The following HPGDS variants were observed in gnomAD, a reference collection of about 807,000 sequenced individuals.
The protein encoded by HPGDS is hematopoietic prostaglandin D synthase, also known as GST class-sigma.
Under a neutral mutation model 23.1 loss-of-function variants are expected in HPGDS, and 26 were observed. The observed-to-expected ratio is 1.13, with a 90% CI of 0.83 to 1.56. The LOEUF (loss-of-function observed/expected upper bound fraction) is 1.56. HPGDS is among the 40% of genes most tolerant of loss of function. HPGDS has a pLI of 0.00. For missense variants in HPGDS, 268 were observed against 236.4 expected (o/e 1.13, Z -0.88); for synonymous variants, 95 against 77.9 (o/e 1.22, Z -1.16).
At chr4:94,323,084 T>C (rs1239927393) in intron 2 of HPGDS, among the ~76,000 whole-genome samples, 1 of 152,262 alleles carries the variant, frequency 6.6e-6, no homozygotes, top group Non-Finnish European at 1.5e-5. Context: ...TGAGTGAGTT[T>C]CTTAATCCTG....
chr4:94,334,566 A>G lies in HPGDS; in HGVS notation c.64T>C (p.Phe22Leu). The change falls in exon 2 of 6, where the codon TTT (phenylalanine) becomes CTT (leucine). Residue 22 changes from phenylalanine (F) to leucine (L), a missense_variant. Phe to Leu is a conservative substitution (Grantham distance 22, BLOSUM62 0). Coordinates refer to ENST00000295256, the MANE Select transcript of HPGDS (RefSeq NM_014485.3). ...TCATACTGTATGTCCAAATAAGCAA[A>G]TATGTAACGAATAATTTCTGCTCTC... ...RGRAEIIRYI[F>L]AYLDIQYEDH... 6.2e-7 allele frequency: 1 copy of G among 1,613,362 alleles called. No homozygotes were observed. Among genetic ancestry groups the G allele is most frequent in the Non-Finnish European group, 8.5e-7 (1 of 1,179,500 alleles).
At chr4:94,331,281 CA>C (rs1475387873) in intron 2 of HPGDS, among the ~76,000 whole-genome samples, 1 of 152,162 alleles carries the variant, frequency 6.6e-6, no homozygotes, top group Non-Finnish European at 1.5e-5. Flanking sequence ...GTTCTTGTTT[CA>C]TGGATAGAAT....
At chr4:94,337,263 G>A (rs187228616) in intron 1 of HPGDS, among the ~76,000 whole-genome samples, 2 of 152,170 alleles carry the variant, frequency 1.3e-5, no homozygotes, top group Admixed American at 6.5e-5. Flanking sequence ...GAGCCACTGT[G>A]CCCAGCCTGC....
intron 1 of HPGDS, 123 bp from the exon 2 acceptor site, chr4:94,334,761 A>C (rs925163828): frequency 2.6e-6 from 2 of 761,910 alleles, no homozygotes; most frequent in Non-Finnish European, 4.0e-6. Context: ...ATTAGAGGAT[A>C]TTTCAAAACC....
At chr4:94,340,852 T>TC (rs1239947789) in intron 1 of HPGDS, among the ~76,000 whole-genome samples, 1 of 134,712 alleles carries the variant, frequency 7.4e-6, no homozygotes, top group Non-Finnish European at 1.6e-5. Flanking sequence ...TTTCTTTCTT[T>TC]TTTTTTTTTT....
At chr4:94,316,798 T>C (rs952351335) in intron 3 of HPGDS, among the ~76,000 whole-genome samples, 1 of 152,242 alleles carries the variant, frequency 6.6e-6, no homozygotes, top group African/African-American at 2.4e-5. Flanking sequence ...GTCTACTGAC[T>C]CAAAGTTGCA....
At chr4:94,326,293 A>G (rs951872457) in intron 2 of HPGDS, among the ~76,000 whole-genome samples, 1 of 152,156 alleles carries the variant, frequency 6.6e-6, no homozygotes, top group Admixed American at 6.5e-5. Context: ...TTGGTTTTCT[A>G]TGCCTTTGTC....
chr4:94,324,134 T>A (rs1420153917), intron 2 of HPGDS, among the ~76,000 whole-genome samples: 1 of 152,246 alleles, frequency 6.6e-6, no homozygotes, highest in East Asian at 1.9e-4. Context: ...GATCAGCTGT[T>A]AGTCTGATGG....
chr4:94,324,326 G>A (rs139823894), intron 2 of HPGDS, among the ~76,000 whole-genome samples: 1,737 of 152,112 alleles, frequency 0.011, 35 homozygotes, highest in African/African-American at 0.04. Flanking sequence ...GGTTGGGGAA[G>A]TTCTCCTGGA....
In HPGDS at chr4:94,340,838, T is replaced by C. The variant is rs1489581356; in HGVS notation, c.-10+1957A>G. 6.0e-5 allele frequency among the ~76,000 whole-genome samples: 8 copies of C among 133,118 alleles called. 1 individual carries two copies. The highest frequency in any genetic ancestry group is 1.3e-4 in the Non-Finnish European group (8 of 61,280). 87.3% of individuals were successfully genotyped at this position (133,118 alleles called of 152,430 possible). ...CACGCCCGGCAAATTTTTTTCTTTTTTTTTTTCTTTCTTTTTTTTTTTTTG... is the reference window on the plus strand; with the variant it reads ...CACGCCCGGCAAATTTTTTTCTTTTCTTTTTTCTTTCTTTTTTTTTTTTTG... On this transcript the variant is annotated intron_variant, in intron 1 of 5. Coordinates refer to ENST00000295256, the MANE Select transcript of HPGDS (RefSeq NM_014485.3).
intron 2 of HPGDS, among the ~76,000 whole-genome samples, chr4:94,324,085 G>A (rs192041697): frequency 1.3e-5 from 2 of 152,248 alleles, no homozygotes; most frequent in Admixed American, 6.5e-5. Flanking sequence ...TTGAATATTG[G>A]CCCCCACTCT....
intron 2 of HPGDS, among the ~76,000 whole-genome samples, chr4:94,331,896 A>G (rs1037419262): frequency 1.3e-5 from 2 of 152,172 alleles, no homozygotes; most frequent in Admixed American, 1.3e-4. Flanking sequence ...CCCCAGTGAA[A>G]CCCCACCTTC....
intron 4 of HPGDS, among the ~76,000 whole-genome samples, chr4:94,306,473 C>A (rs571279051): frequency 1.3e-4 from 20 of 151,974 alleles, no homozygotes; most frequent in Non-Finnish European, 4.4e-5. Context: ...GTGAATGGCA[C>A]CTGTGAAGGG....
Position 94,317,884 on chromosome 4 carries a change from G to T in HPGDS, c.215C>A (p.Thr72Asn). ...AATAAACATGTTACCTGTGTTTTTG[G>T]TCAAATATCTTGCTATTGCTAGGCT... Reference protein sequence around the residue: ...HQSLAIARYLTKNTDLAGNTE... With the variant: ...HQSLAIARYLNKNTDLAGNTE... The change falls in exon 3 of 6, where the codon ACC becomes AAC. Residue 72 changes from threonine (T) to asparagine (N), a missense_variant. By Grantham distance (65) the Thr-to-Asn change is moderately conservative. Coordinates refer to ENST00000295256, the MANE Select transcript of HPGDS (RefSeq NM_014485.3). 6.2e-7 allele frequency: 1 copy of T among 1,603,384 alleles called. No individual in the cohort carries two copies. The highest frequency in any genetic ancestry group is 8.5e-7 in the Non-Finnish European group (1 of 1,171,922).
At position 94,334,647 on chromosome 4, in the gene HPGDS, A is replaced by C. The variant is rs1197588492; in HGVS notation, c.-9-9T>G. 2 of 1,604,750 alleles carry C rather than the reference A, an allele frequency of 1.2e-6. No individual in the cohort carries two copies. Among genetic ancestry groups the C allele is most frequent in the Non-Finnish European group, 1.7e-6 (2 of 1,177,374 alleles). On this transcript the variant is annotated splice_polypyrimidine_tract_variant and intron_variant, in intron 1 of 5. Transcript: ENST00000295256. ...TTTGGCATGGTGCAATTCTGGAAAA[A>C]GAAAAAGGGAGGGATTATTTTAAGA...
At position 94,299,432 on chromosome 4, in the gene HPGDS, G is replaced by A. The variant is rs1021637536; in HGVS notation, c.*48C>T. 1.3e-6 allele frequency: 2 copies of A among 1,542,376 alleles called. No individual in the cohort carries two copies. Among genetic ancestry groups the A allele is most frequent in the Non-Finnish European group, 1.8e-6 (2 of 1,136,080 alleles). On this transcript the variant is annotated 3_prime_UTR_variant, in exon 6 of 6. Transcript: ENST00000295256. Reference sequence around the variant, plus strand: ...GGCTGATGTAGCTGTCTTATCTGATGAGAGAGATGCCCCCGAGAAAAACAA... The same window carrying A: ...GGCTGATGTAGCTGTCTTATCTGATAAGAGAGATGCCCCCGAGAAAAACAA...
chr4:94,302,208 G>A lies in HPGDS; in HGVS notation c.373C>T (p.Pro125Ser), dbSNP rs374171392. 3.1e-6 allele frequency: 5 copies of A among 1,612,544 alleles called. No individual in the cohort carries two copies. The highest frequency in any genetic ancestry group is 4.2e-6 in the Non-Finnish European group (5 of 1,178,970). Reference sequence around the variant, plus strand: ...GTGTCCAAGTCTTGCATAAGATGAGGCGCATTATACGTGAGCAGCTCATTG... The same window carrying A: ...GTGTCCAAGTCTTGCATAAGATGAGACGCATTATACGTGAGCAGCTCATTG... ...MFNELLTYNAPHLMQDLDTYL... is the reference protein window; with the variant it reads ...MFNELLTYNASHLMQDLDTYL... The change falls in exon 5 of 6, where the codon CCT becomes TCT. Residue 125 changes from proline to serine, a missense_variant. Pro to Ser is a moderately conservative substitution (Grantham distance 74). Transcript: ENST00000295256.
chr4:94,321,784 G>T (rs1420969658), intron 2 of HPGDS, among the ~76,000 whole-genome samples: 75 of 152,152 alleles, frequency 4.9e-4, no homozygotes, highest in Non-Finnish European at 7.3e-5. Flanking sequence ...GCTCTTGTCA[G>T]AACTTCCAAC....
chr4:94,308,586 G>A lies in HPGDS; in HGVS notation c.336+48C>T, dbSNP rs201924535. 4.8e-5 allele frequency: 44 copies of A among 912,034 alleles called. 1 individual carries two copies. The Middle Eastern group carries it at 8.7e-4, about 18-fold the overall frequency. 56.5% of individuals were successfully genotyped at this position (912,034 alleles called of 1,614,324 possible). ...TCTAAGGCACCTAACACAATGTCTGGCAGGTGGTATATAATTAATACTAGG... is the reference window on the plus strand; with the variant it reads ...TCTAAGGCACCTAACACAATGTCTGACAGGTGGTATATAATTAATACTAGG... On this transcript the variant is annotated intron_variant, in intron 4 of 5. Transcript: ENST00000295256.
Sources: allele counts gnomAD v4.1 joint callset (sites outside exome capture counted in the v4.1 genomes callset), GRCh38; gene constraint gnomAD v4.1.1; transcripts MANE v1.5; gene names NCBI Gene and HGNC (gene_info 2026-07-23, HGNC 2026-07-21).